The following SYNE1 variants were observed in gnomAD, a reference collection of about 807,000 sequenced individuals.
The protein encoded by SYNE1 is spectrin repeat containing nuclear envelope protein 1, also known as nesprin-1.
Under a neutral mutation model 1,111.0 loss-of-function variants are expected in SYNE1, and 616 were observed. The ratio of observed to expected loss-of-function variants is 0.55; its 90% confidence interval spans 0.52 to 0.59. The LOEUF (loss-of-function observed/expected upper bound fraction) is 0.59. Ranked by LOEUF, SYNE1 falls within the 20% of genes least tolerant of loss-of-function variation. The probability of loss-of-function intolerance (pLI) is 0.00; values close to 1 mark genes in which losing one functional copy is unlikely to be tolerated. For synonymous variants in SYNE1, 3,855 were observed against 3,825.8 expected (o/e 1.01, Z -0.28); for missense variants, 10,006 against 10,417.0 (o/e 0.96, Z 1.72).
At chr6:152,292,022 C>A (rs941234151) in intron 95 of SYNE1, among the ~76,000 whole-genome samples, 1 of 152,234 alleles carries the variant, frequency 6.6e-6, no homozygotes, top group East Asian at 1.9e-4. Flanking sequence ...CAGGGAACAG[C>A]TGGACAGACA....
In SYNE1 at chr6:152,510,209, G is replaced by A. The variant is rs371665371; in HGVS notation, c.565C>T (p.Gln189Ter). The A allele has an allele frequency of 3.1e-6, 5 of 1,613,728 alleles. No homozygotes were observed. The highest frequency in any genetic ancestry group is 1.3e-5 in the African/African-American group (1 of 74,852). Reference sequence around the variant, plus strand: ...GATACTTACTTGCCAGCTGTGTACTGAACCCACTTTAATAAAGCCTTCTTA... The same window carrying A: ...GATACTTACTTGCCAGCTGTGTACTAAACCCACTTTAATAAAGCCTTCTTA... ...NAKKALLKWV[Q>*]YTAGKQTGIE... The change falls in exon 8 of 146, where the codon CAG becomes TAG. Residue 189 changes from glutamine (Q) to a stop codon, truncating the protein, a stop_gained. Transcript: ENST00000367255. LOFTEE classifies it high-confidence loss of function.
chr6:152,271,900 T>C (rs2093236998), intron 98 of SYNE1, among the ~76,000 whole-genome samples: 1 of 152,172 alleles, frequency 6.6e-6, no homozygotes, highest in South Asian at 2.1e-4. Context: ...AAATTTGTTT[T>C]TCAGAGCCCG....
At chr6:152,231,042 C>T (rs1194453689) in intron 114 of SYNE1, among the ~76,000 whole-genome samples, 2 of 152,024 alleles carry the variant, frequency 1.3e-5, no homozygotes, top group African/African-American at 2.4e-5. Flanking sequence ...GCATGCAGCC[C>T]GCGGGCTGGG....
chr6:152,516,637 A>G (rs2099113288), intron 6 of SYNE1, among the ~76,000 whole-genome samples: 1 of 152,024 alleles, frequency 6.6e-6, no homozygotes, highest in South Asian at 2.1e-4. Context: ...CTCAGGCTGG[A>G]GTGTGATCAC....
intron 98 of SYNE1, among the ~76,000 whole-genome samples, chr6:152,272,101 T>A (rs2093256755): frequency 6.6e-6 from 1 of 152,232 alleles, no homozygotes; most frequent in Admixed American, 6.5e-5. Context: ...ATATTCAGAT[T>A]CTATGCGGTT....
rs893246622 is a variant in SYNE1 at position 152,143,720 on chromosome 6, G to A, written c.25022C>T (p.Ala8341Val). 6.2e-7 allele frequency: 1 copy of A among 1,614,032 alleles called. No individual in the cohort carries two copies. Among genetic ancestry groups the A allele is most frequent in the African/African-American group, 1.3e-5 (1 of 74,904 alleles). The stretch of plus-strand genomic sequence containing the variant: ...TATCTGAAAACGGCTATCATCCAGG[G>A]CTTTGCCCAGTTGTCGGATCTGTGA... ...LESQIRQLGK[A>V]LDDSRFQIQQ... The change falls in exon 138 of 146, where the codon GCC becomes GTC. Residue 8341 changes from alanine to valine, a missense_variant. Coordinates refer to ENST00000367255, the MANE Select transcript of SYNE1 (RefSeq NM_182961.4).
intron 4 of SYNE1, among the ~76,000 whole-genome samples, chr6:152,528,921 T>C (rs752262699): frequency 6.6e-5 from 10 of 152,216 alleles, no homozygotes; most frequent in Non-Finnish European, 1.5e-4. Context: ...ATCATTTTTA[T>C]ACTAAGCTTC....
At chr6:152,628,983 G>A (rs2099692080) in intron 2 of SYNE1, among the ~76,000 whole-genome samples, 2 of 152,130 alleles carry the variant, frequency 1.3e-5, no homozygotes, top group South Asian at 4.1e-4. Context: ...CCAGGAATGG[G>A]ACCAAATCCT....
At position 152,505,243 on chromosome 6, in the gene SYNE1, C is replaced by A; in HGVS notation, c.736G>T (p.Ala246Ser). Residue 246 changes from alanine (A) to serine (S), a missense_variant, in exon 9 of 146, where the codon GCC becomes TCC. Coordinates refer to ENST00000367255, the MANE Select transcript of SYNE1 (RefSeq NM_182961.4). ...CTTGGGATCCCCAGTTCTGTTTCGG[C>A]GATAGTGAAAGCATCCTCCAAATTT... ...RENLEDAFTI[A>S]ETELGIPRLL... is the part of the protein sequence containing the mutation. The A allele has an allele frequency of 6.2e-7, 1 of 1,613,888 alleles. No individual in the cohort carries two copies. The highest frequency in any genetic ancestry group is 1.1e-5 in the South Asian group (1 of 91,050).
chr6:152,201,972 T>G, intron 126 of SYNE1, 23 bp from the exon 127 acceptor site: 1 of 1,613,256 alleles, frequency 6.2e-7, no homozygotes, highest in Non-Finnish European at 8.5e-7. Flanking sequence ...TAAAAACAAA[T>G]AGCATAGATG....
At chr6:152,379,959 A>T (rs1053976659) in intron 56 of SYNE1, among the ~76,000 whole-genome samples, 2 of 152,236 alleles carry the variant, frequency 1.3e-5, no homozygotes, top group African/African-American at 2.4e-5. Flanking sequence ...ATTTTTTCAT[A>T]TTATACCATG....
intron 3 of SYNE1, among the ~76,000 whole-genome samples, chr6:152,597,471 G>A (rs1323224571): frequency 6.6e-6 from 1 of 151,946 alleles, no homozygotes; most frequent in Non-Finnish European, 1.5e-5. Context: ...ATTTTTTGTG[G>A]AAATGGCATC....
rs1377670728 is a variant in SYNE1 at position 152,522,079 on chromosome 6, T to TC, written c.226-1538_226-1537insG. Reference sequence around the variant, plus strand: ...AGAATGAACTTAATTTCCTGTTCCATTTTTTTTAACTTCAATAACTTTTAG... The same window carrying TC: ...AGAATGAACTTAATTTCCTGTTCCATCTTTTTTTAACTTCAATAACTTTTAG... On this transcript the variant is annotated intron_variant, in intron 5 of 145. Transcript: ENST00000367255. 5.5e-4 allele frequency among the ~76,000 whole-genome samples: 47 copies of TC among 84,888 alleles called. No homozygotes were observed. The East Asian group carries it at 0.028, about 51-fold the overall frequency. The allele number at this position is 84,888 out of a possible 152,430, so 55.7% of individuals were successfully genotyped here. A position where few individuals can be genotyped will look rare whatever the true frequency, so the allele number is the denominator to read the frequency against.
chr6:152,226,329 A>G (rs2081569501), intron 115 of SYNE1, among the ~76,000 whole-genome samples: 1 of 151,560 alleles, frequency 6.6e-6, no homozygotes, highest in Non-Finnish European at 1.5e-5. Flanking sequence ...TCACCTACCC[A>G]AAGCTGAGTC....
At chr6:152,143,317 G>A (rs2058848387) in intron 138 of SYNE1, among the ~76,000 whole-genome samples, 2 of 152,192 alleles carry the variant, frequency 1.3e-5, no homozygotes, top group Non-Finnish European at 2.9e-5. Context: ...GTTGAATTTG[G>A]AAAAATGCCT....
chr6:152,404,136 CAG>C lies in SYNE1; in HGVS notation c.6825+75_6825+76del, dbSNP rs1554635538. On this transcript the variant is annotated intron_variant, in intron 46 of 145. Coordinates refer to ENST00000367255, the MANE Select transcript of SYNE1 (RefSeq NM_182961.4). ...ATATATACACACACACACACACACA[CAG>C]AGACAGAGAAAGTCTAGTATATGGT... 1.2e-4 allele frequency: 109 copies of C among 918,040 alleles called. 2 individuals are homozygous for C. The highest frequency in any genetic ancestry group is 1.0e-3 in the Middle Eastern group (4 of 3,880). The allele number at this position is 918,040 out of a possible 1,614,324, so 56.9% of individuals were successfully genotyped here.
In SYNE1 at chr6:152,215,036, T is replaced by C. The variant is rs149692609; in HGVS notation, c.22216A>G (p.Met7406Val). The change falls in exon 122 of 146, where the codon ATG (methionine) becomes GTG (valine). Residue 7406 changes from methionine to valine, a missense_variant. Around this residue, in one of 7 missense-constraint regions of SYNE1, gnomAD observed 2,182 missense variants for 2,287.8 expected, o/e 0.95. Transcript: ENST00000367255. ...LKGQMLKFSSMAPDLDRLNEL... is the reference protein window; with the variant it reads ...LKGQMLKFSSVAPDLDRLNEL... ...TTTAGACGGTCTAAATCTGGAGCCA[T>C]GCTGCTGAATTTTAACATCTGTCCC... is the stretch of plus-strand genomic sequence containing the variant. 5 of 1,614,012 alleles carry C rather than the reference T, an allele frequency of 3.1e-6. No homozygotes were observed. Among genetic ancestry groups the C allele is most frequent in the Non-Finnish European group, 4.2e-6 (5 of 1,179,996 alleles).
intron 3 of SYNE1, among the ~76,000 whole-genome samples, chr6:152,552,338 T>C (rs2099350039): frequency 6.6e-6 from 1 of 152,064 alleles, no homozygotes; most frequent in Non-Finnish European, 1.5e-5. Context: ...TTTCACATTT[T>C]GGGATTTTGC....
chr6:152,631,191 T>C (rs779293815), intron 2 of SYNE1, among the ~76,000 whole-genome samples: 12 of 152,174 alleles, frequency 7.9e-5, no homozygotes, highest in South Asian at 4.1e-4. Context: ...GTGTCCTTCT[T>C]GGCAAGGAGC....
Sources: allele counts gnomAD v4.1 joint callset (sites outside exome capture counted in the v4.1 genomes callset), GRCh38; gene constraint gnomAD v4.1.1; regional missense constraint gnomAD v4.1.1; transcripts MANE v1.5; gene names NCBI Gene and HGNC (gene_info 2026-07-23, HGNC 2026-07-21).